NDUFAF6: variants seen among roughly 807,000 people sequenced by gnomAD.
NDUFAF6 encodes the protein NADH dehydrogenase (ubiquinone) complex I, assembly factor 6.
A neutral mutation model predicts 40.8 loss-of-function variants in NDUFAF6; 45 were observed. The ratio of observed to expected loss-of-function variants is 1.10; its 90% CI spans 0.87 to 1.42. The LOEUF is 1.42. Among genes scored for constraint, NDUFAF6 ranks in the 40% most tolerant of loss-of-function variants. The pLI is 0.00. For synonymous variants in NDUFAF6, 185 were observed against 155.9 expected, an observed-to-expected ratio of 1.19 and a Z score of -1.39; for missense variants, 435 against 418.5, an observed-to-expected ratio of 1.04 and a Z score of -0.34.
chr8:95,075,740 C>A (rs191977392), exon 10 of NDUFAF6: 8 of 1,275,440 alleles, frequency 6.3e-6, no homozygotes, highest in Middle Eastern at 3.2e-4. Context: ...TCTAGGCATG[C>A]GCACTTCTCC....
At chr8:94,896,312 C>A in intron 1 of NDUFAF6, 1 of 147,780 alleles carries the variant, frequency 6.8e-6, no homozygotes, top group South Asian at 1.9e-4. Flanking sequence ...CCGCGCGAGC[C>A]GGCAGCGCGG....
At chr8:95,097,013 T>C (rs564145841), upstream of NDUFAF6, among the ~76,000 whole-genome samples, 7 of 152,326 alleles carry the variant, frequency 4.6e-5, no homozygotes, top group Admixed American at 4.6e-4. Flanking sequence ...ACTGGTGGGA[T>C]CCTACCCAAT....
At chr8:94,917,068 A>G (rs12541035) in intron 1 of NDUFAF6, among the ~76,000 whole-genome samples, 92,316 of 143,462 alleles carry the variant, frequency 0.64, 29,572 homozygotes, top group East Asian at 0.8. Context: ...CCGAGACCAC[A>G]CCTCTGCACT....
chr8:95,058,815 G>A, downstream of NDUFAF6: 1 of 976,774 alleles, frequency 1.0e-6, no homozygotes, highest in Non-Finnish European at 1.2e-6. Flanking sequence ...TGTGAAATGA[G>A]GCACATTTTT....
intron 1 of NDUFAF6, among the ~76,000 whole-genome samples, chr8:94,925,021 G>A (rs754923252): frequency 6.6e-6 from 1 of 152,206 alleles, no homozygotes; most frequent in Non-Finnish European, 1.5e-5. Flanking sequence ...GGCATTACAG[G>A]CACGAGCCAT....
chr8:95,057,250 G>C (rs536324374), intron 8 of NDUFAF6, among the ~76,000 whole-genome samples: 1 of 152,166 alleles, frequency 6.6e-6, no homozygotes, highest in Non-Finnish European at 1.5e-5. Flanking sequence ...GCACATCGTT[G>C]GTGTTTTCTA....
upstream of NDUFAF6, among the ~76,000 whole-genome samples, chr8:95,098,473 C>T (rs1809541059): frequency 2.0e-5 from 3 of 152,150 alleles, no homozygotes; most frequent in African/African-American, 7.2e-5. Context: ...CAAGACCAGC[C>T]TGACCAACAT....
chr8:95,099,586 A>C (rs948661307), upstream of NDUFAF6, among the ~76,000 whole-genome samples: 3 of 151,010 alleles, frequency 2.0e-5, no homozygotes, highest in African/African-American at 7.3e-5. Flanking sequence ...TCTCAAAATT[A>C]AAAAAAAAGA....
upstream of NDUFAF6, among the ~76,000 whole-genome samples, chr8:95,024,627 AAC>A (rs1312955951): frequency 6.6e-6 from 1 of 152,238 alleles, no homozygotes; most frequent in Non-Finnish European, 1.5e-5. Flanking sequence ...CCTGTTGAGA[AAC>A]AGTGCAAGGT....
At chr8:94,924,295 T>C (rs1819713102) in intron 1 of NDUFAF6, among the ~76,000 whole-genome samples, 1 of 152,070 alleles carries the variant, frequency 6.6e-6, no homozygotes, top group Non-Finnish European at 1.5e-5. Flanking sequence ...CTCCTGACCT[T>C]GTGATCTGCC....
downstream of NDUFAF6, among the ~76,000 whole-genome samples, chr8:95,080,315 AGT>A (rs1178743185): frequency 7.3e-6 from 1 of 136,218 alleles, no homozygotes; most frequent in Non-Finnish European, 1.6e-5. Context: ...ATTTTTTGGT[AGT>A]GTATTTTTGT....
At chr8:94,900,011 C>T (rs560497989) in intron 1 of NDUFAF6, among the ~76,000 whole-genome samples, 23 of 152,308 alleles carry the variant, frequency 1.5e-4, no homozygotes, top group African/African-American at 5.5e-4. Flanking sequence ...CATTGCCTTT[C>T]CCCAGCTAGA....
At chr8:95,078,202 C>T (rs976522783), downstream of NDUFAF6, among the ~76,000 whole-genome samples, 2 of 152,072 alleles carry the variant, frequency 1.3e-5, no homozygotes, top group Admixed American at 6.5e-5. Flanking sequence ...TGGCTGGGGT[C>T]GGTCCCCTGA....
downstream of NDUFAF6, among the ~76,000 whole-genome samples, chr8:95,063,595 TCAAAACAAAA>T (rs555858161): frequency 1.4e-4 from 22 of 152,200 alleles, no homozygotes; most frequent in Non-Finnish European, 2.9e-4. Flanking sequence ...AGACTCTGTC[TCAAAACAAAA>T]CAAAACAAAA....
intron 1 of NDUFAF6, among the ~76,000 whole-genome samples, chr8:94,962,827 G>C (rs1410495222): frequency 1.4e-5 from 2 of 146,788 alleles, no homozygotes; most frequent in African/African-American, 5.1e-5. Context: ...GTCTCGCTGT[G>C]TTGCCCAGGC....
chr8:94,896,395 T>A (rs976087028), intron 1 of NDUFAF6: 2 of 151,584 alleles, frequency 1.3e-5, no homozygotes, highest in Admixed American at 1.3e-4. Flanking sequence ...CTTCCCCGGG[T>A]GTTTAAACTT....
chr8:95,093,539 G>A (rs548276044), intron 2 of NDUFAF6, among the ~76,000 whole-genome samples: 1 of 152,292 alleles, frequency 6.6e-6, no homozygotes, highest in Non-Finnish European at 1.5e-5. Context: ...ACTCGTTAAT[G>A]TTACTTCTGT....
At chr8:94,899,087 C>T (rs915545595) in intron 1 of NDUFAF6, among the ~76,000 whole-genome samples, 1 of 152,170 alleles carries the variant, frequency 6.6e-6, no homozygotes, top group African/African-American at 2.4e-5. Context: ...TTAGTAGAGA[C>T]AAGGTTTCAC....
At chr8:94,933,259 A>G (rs11779282) in intron 1 of NDUFAF6, among the ~76,000 whole-genome samples, 22,785 of 152,174 alleles carry the variant, frequency 0.15, 1,817 homozygotes, top group Middle Eastern at 0.26. Context: ...CCCTTTATAT[A>G]TGGAAAAGTA....
Sources: gnomAD v4.1 joint callset for allele counts (sites outside exome capture counted in the v4.1 genomes callset) on GRCh38, gnomAD v4.1.1 for gene constraint, MANE v1.5 for transcripts, NCBI Gene and HGNC (gene_info 2026-07-23, HGNC 2026-07-21) for gene names.